Variants in ZNF618 observed in about 807,000 individuals in gnomAD.
The protein encoded by ZNF618 is zinc finger protein 618, also known as neural precursor cell expressed, developmentally down-regulated 10.
ZNF618 carries 34 observed loss-of-function variants against 103.0 expected under a neutral mutation model. The observed-to-expected ratio is 0.33, with a 90% CI of 0.25 to 0.44. The LOEUF is 0.44. Ranked by LOEUF, ZNF618 falls within the 20% of genes least tolerant of loss-of-function variation. The pLI, the probability that ZNF618 is intolerant of heterozygous loss-of-function variation, is 1.00. For synonymous variants in ZNF618, 551 were observed against 542.2 expected, an observed-to-expected ratio of 1.02 and a Z score of -0.23; for missense variants, 1,059 against 1,295.4, an observed-to-expected ratio of 0.82 and a Z score of 2.80.
chr9:114,025,263 C>T (rs774358178), intron 10 of ZNF618, among the ~76,000 whole-genome samples: 12 of 152,256 alleles, frequency 7.9e-5, no homozygotes, highest in Non-Finnish European at 1.6e-4. Flanking sequence ...CCATTTGCCT[C>T]CAATGCAGTT....
At chr9:113,996,072 A>G (rs943043023) in intron 3 of ZNF618, among the ~76,000 whole-genome samples, 1 of 152,236 alleles carries the variant, frequency 6.6e-6, no homozygotes, top group South Asian at 2.1e-4. Flanking sequence ...ACACACCCCC[A>G]GGAGATTTGT....
chr9:113,994,583 G>A (rs901073966), intron 3 of ZNF618, among the ~76,000 whole-genome samples: 7 of 152,208 alleles, frequency 4.6e-5, no homozygotes, highest in South Asian at 2.1e-4. Flanking sequence ...CTAAGCCACC[G>A]TGTCTTGAAT....
intron 1 of ZNF618, among the ~76,000 whole-genome samples, chr9:113,914,395 G>A (rs1831865472): frequency 6.6e-6 from 1 of 152,132 alleles, no homozygotes. Context: ...CTCCTCACGT[G>A]CGCTTCTCTG....
At chr9:113,947,267 T>C (rs1362024843) in intron 1 of ZNF618, among the ~76,000 whole-genome samples, 3 of 152,196 alleles carry the variant, frequency 2.0e-5, no homozygotes, top group Non-Finnish European at 4.4e-5. Context: ...CCTGGGCTCC[T>C]TCACCTGAGC....
chr9:113,887,040 G>T (rs1170992022), intron 1 of ZNF618, among the ~76,000 whole-genome samples: 1 of 135,056 alleles, frequency 7.4e-6, no homozygotes, highest in Middle Eastern at 4.3e-3. Context: ...TCCCTCCATG[G>T]CTCATATTAT....
intron 1 of ZNF618, among the ~76,000 whole-genome samples, chr9:113,955,584 T>C (rs1332586559): frequency 6.6e-6 from 1 of 152,116 alleles, no homozygotes; most frequent in Non-Finnish European, 1.5e-5. Flanking sequence ...TTTATAGAGA[T>C]TGTGGTTGGC....
intron 1 of ZNF618, among the ~76,000 whole-genome samples, chr9:113,908,141 C>A (rs971198319): frequency 6.6e-6 from 1 of 151,348 alleles, no homozygotes; most frequent in African/African-American, 2.4e-5. Context: ...ATCTTCATGT[C>A]TTGAGCCTTT....
intron 2 of ZNF618, among the ~76,000 whole-genome samples, chr9:113,979,335 A>G (rs939100044): frequency 5.3e-5 from 8 of 152,196 alleles, no homozygotes; most frequent in Admixed American, 3.3e-4. Context: ...GAGAATGTCA[A>G]GGTATTACCA....
At chr9:113,927,493 T>G (rs965426490) in intron 1 of ZNF618, among the ~76,000 whole-genome samples, 1 of 152,246 alleles carries the variant, frequency 6.6e-6, no homozygotes, top group African/African-American at 2.4e-5. Flanking sequence ...GGTAGTGTTC[T>G]AGAATCCTCT....
intron 10 of ZNF618, among the ~76,000 whole-genome samples, chr9:114,024,401 A>G (rs1377507214): frequency 3.3e-5 from 5 of 152,034 alleles, no homozygotes; most frequent in Non-Finnish European, 7.4e-5. Context: ...TGCCTGGAAA[A>G]TAATTGTTTC....
chr9:113,919,082 T>A (rs1832394160), intron 1 of ZNF618, among the ~76,000 whole-genome samples: 1 of 152,180 alleles, frequency 6.6e-6, no homozygotes, highest in Non-Finnish European at 1.5e-5. Context: ...CCTTTCAGCT[T>A]GTTTTCAGTT....
chr9:113,980,832 C>T (rs1005193683), intron 2 of ZNF618, among the ~76,000 whole-genome samples: 8 of 152,278 alleles, frequency 5.3e-5, no homozygotes, highest in East Asian at 1.9e-4. Flanking sequence ...CAGAGTCCGA[C>T]GGGGACTGAG....
chr9:113,938,854 GCCA>G (rs1834283578), intron 1 of ZNF618, among the ~76,000 whole-genome samples: 1 of 152,160 alleles, frequency 6.6e-6, no homozygotes, highest in Non-Finnish European at 1.5e-5. Context: ...ACAGGTGTGA[GCCA>G]CCACATCCGT....
intron 2 of ZNF618, among the ~76,000 whole-genome samples, chr9:113,970,029 A>AT (rs368345776): frequency 1.5e-4 from 23 of 152,100 alleles, no homozygotes; most frequent in African/African-American, 3.1e-4. Context: ...ATGTTAATGG[A>AT]TTTTTTTTGT....
intron 10 of ZNF618, among the ~76,000 whole-genome samples, chr9:114,025,091 G>A (rs2134100387): frequency 6.6e-6 from 1 of 152,280 alleles, no homozygotes; most frequent in South Asian, 2.1e-4. Flanking sequence ...AGTTGAATAT[G>A]GCAGGAAGCT....
chr9:113,881,424 C>T (rs900259155), intron 1 of ZNF618, among the ~76,000 whole-genome samples: 7 of 152,068 alleles, frequency 4.6e-5, no homozygotes, highest in Admixed American at 2.0e-4. Flanking sequence ...GTAAAAGAAA[C>T]GGGTGCCATT....
intron 1 of ZNF618, among the ~76,000 whole-genome samples, chr9:113,923,801 G>A (rs1000764612): frequency 6.6e-6 from 1 of 152,020 alleles, no homozygotes. Context: ...TATCTGAAAT[G>A]CCTGGGACCT....
intron 13 of ZNF618, among the ~76,000 whole-genome samples, chr9:114,037,684 G>C (rs971713282): frequency 1.8e-4 from 28 of 152,204 alleles, no homozygotes; most frequent in Admixed American, 7.9e-4. Flanking sequence ...GACTGGCATA[G>C]AGTATTACAG....
chr9:114,046,578 G>A (rs1253260907), intron 13 of ZNF618, among the ~76,000 whole-genome samples: 2 of 152,204 alleles, frequency 1.3e-5, no homozygotes, highest in Non-Finnish European at 2.9e-5. Context: ...TTGAATAGAA[G>A]AAATGAGAGT....
Sources: allele counts gnomAD v4.1 joint callset (sites outside exome capture counted in the v4.1 genomes callset), GRCh38; gene constraint gnomAD v4.1.1; transcripts MANE v1.5; gene names NCBI Gene and HGNC (gene_info 2026-07-23, HGNC 2026-07-21).